The following CYSTM1 variants were observed in gnomAD, a reference collection of about 807,000 sequenced individuals.
The protein encoded by CYSTM1 is cysteine-rich transmembrane module-containing protein 1.
Under a neutral mutation model 13.1 loss-of-function variants are expected in CYSTM1, and 4 were observed. The ratio of observed to expected loss-of-function variants is 0.31; its 90% CI spans 0.15 to 0.70. The LOEUF (loss-of-function observed/expected upper bound fraction) is 0.70. CYSTM1 is among the 30% of genes least tolerant of loss of function. CYSTM1 has a pLI of 0.72. For missense variants in CYSTM1, 96 were observed against 121.6 expected (o/e 0.79, Z 0.99); for synonymous variants, 36 against 42.7 (o/e 0.84, Z 0.62).
In CYSTM1 at chr5:140,194,546, T is replaced by C. The variant is rs1202784076; in HGVS notation, c.81T>C (p.Gly27=). 1 of 1,613,666 alleles carries C rather than the reference T, an allele frequency of 6.2e-7. No homozygotes were observed. Among genetic ancestry groups the C allele is most frequent in the Non-Finnish European group, 8.5e-7 (1 of 1,179,832 alleles). The change falls in exon 2 of 3, where the codon GGT becomes GGC. Residue 27 remains glycine, a synonymous_variant. Transcript: ENST00000261811. ...CACCTTATCCACCACAACCAATGGG[T>C]CCAGGACCTATGGGGGGACCCTACC... The part of the protein sequence containing the change: ...PYPPYPPQPM[G]PGPMGGPYPP...
At chr5:140,214,327 A>G (rs1362952382) in intron 2 of CYSTM1, among the ~76,000 whole-genome samples, 4 of 152,250 alleles carry the variant, frequency 2.6e-5, no homozygotes, top group Non-Finnish European at 5.9e-5. Context: ...TTGGTCAGGT[A>G]CTTTATGTAG....
In CYSTM1 at chr5:140,199,665, T is replaced by C. The variant is rs143134697; in HGVS notation, c.187+5013T>C. Among the ~76,000 whole-genome samples, 495 of 152,250 alleles carry C rather than the reference T, an allele frequency of 3.3e-3. 4 individuals carry two copies. Among genetic ancestry groups the C allele is most frequent in the African/African-American group, 0.011 (476 of 41,546 alleles). Reference sequence around the variant, plus strand: ...GCCACCATGGCTGTAATTTTTGTATTTTTAGTAGAGATGAGGTTTCACCAT... The same window carrying C: ...GCCACCATGGCTGTAATTTTTGTATCTTTAGTAGAGATGAGGTTTCACCAT... On this transcript the variant is annotated intron_variant, in intron 2 of 2. Coordinates refer to ENST00000261811, the MANE Select transcript of CYSTM1 (RefSeq NM_032412.4).
Position 140,230,814 on chromosome 5 carries a change from A to G in CYSTM1, c.188-12491A>G, listed in dbSNP as rs753498062. 6.6e-6 allele frequency among the ~76,000 whole-genome samples: 1 copy of G among 152,204 alleles called. No homozygotes were observed. Among genetic ancestry groups the G allele is most frequent in the Non-Finnish European group, 1.5e-5 (1 of 68,032 alleles). ...CTATTAATCTGAGATGAGATTTGTC[A>G]TATACCACGTTCCCATATACGAATT... On this transcript the variant is annotated intron_variant, in intron 2 of 2. Transcript: ENST00000261811. This position sits in a 1 kb window ranked among gnomAD's most constrained non-coding sequence, Gnocchi z 4.1.
At chr5:140,240,194 C>T (rs894716765) in intron 2 of CYSTM1, among the ~76,000 whole-genome samples, 4 of 152,100 alleles carry the variant, frequency 2.6e-5, no homozygotes, top group Non-Finnish European at 5.9e-5. Flanking sequence ...CTCTTTTAAC[C>T]CCTCTCCCTT....
intron 1 of CYSTM1, among the ~76,000 whole-genome samples, chr5:140,176,706 C>T (rs894634358): frequency 6.6e-6 from 1 of 152,166 alleles, no homozygotes; most frequent in African/African-American, 2.4e-5. Context: ...GAACCAGCAT[C>T]CAAACATTCA....
intron 2 of CYSTM1, among the ~76,000 whole-genome samples, chr5:140,236,529 C>T (rs939948692): frequency 4.6e-5 from 7 of 152,184 alleles, no homozygotes; most frequent in East Asian, 1.9e-4. Flanking sequence ...ATTTAAGAAA[C>T]GCCACGATGA....
chr5:140,227,319 G>T (rs1034513792), intron 2 of CYSTM1, among the ~76,000 whole-genome samples: 5 of 152,146 alleles, frequency 3.3e-5, no homozygotes, highest in African/African-American at 9.7e-5. Context: ...GCATGGGCAG[G>T]GGGGAGAGGG....
intron 2 of CYSTM1, 126 bp from the exon 3 acceptor site, chr5:140,243,179 C>A: frequency 1.4e-6 from 1 of 734,002 alleles, no homozygotes; most frequent in Non-Finnish European, 2.3e-6. Flanking sequence ...GGCAGGAACA[C>A]GGTTTCACCA....
chr5:140,214,821 G>A (rs1394234211), intron 2 of CYSTM1, among the ~76,000 whole-genome samples: 3 of 152,158 alleles, frequency 2.0e-5, no homozygotes, highest in East Asian at 1.9e-4. Flanking sequence ...AGGCATTGTC[G>A]GGACCTCCCT....
chr5:140,211,764 T>A (rs1192943176), intron 2 of CYSTM1, among the ~76,000 whole-genome samples: 1 of 152,134 alleles, frequency 6.6e-6, no homozygotes, highest in Admixed American at 6.6e-5. Context: ...CTGGCCAACA[T>A]AGTGAAACCC....
chr5:140,182,223 A>G (rs759964095), intron 1 of CYSTM1, among the ~76,000 whole-genome samples: 4 of 152,220 alleles, frequency 2.6e-5, no homozygotes, highest in Non-Finnish European at 4.4e-5. Context: ...CTGGGGCAAT[A>G]CAGCCTTTAC....
chr5:140,210,461 A>G (rs1581065989), intron 2 of CYSTM1, among the ~76,000 whole-genome samples: 1 of 151,640 alleles, frequency 6.6e-6, no homozygotes, highest in African/African-American at 2.4e-5. Context: ...GGCCAACATC[A>G]CCCCTCCTTT....
chr5:140,192,327 C>A (rs1267703349), intron 1 of CYSTM1, among the ~76,000 whole-genome samples: 1 of 152,172 alleles, frequency 6.6e-6, no homozygotes. Context: ...GATCTCTATA[C>A]CCCACTACTT....
chr5:140,177,539 G>C (rs1174019985), intron 1 of CYSTM1, among the ~76,000 whole-genome samples: 1 of 152,206 alleles, frequency 6.6e-6, no homozygotes, highest in Non-Finnish European at 1.5e-5. Flanking sequence ...TGCGAAGGAA[G>C]GTGGCCGCAG....
At chr5:140,193,489 A>C (rs7726869) in intron 1 of CYSTM1, among the ~76,000 whole-genome samples, 1 of 152,158 alleles carries the variant, frequency 6.6e-6, no homozygotes, top group Non-Finnish European at 1.5e-5. Flanking sequence ...TCACCATGTT[A>C]GCCAGGATGG....
At chr5:140,205,960 T>C (rs1159878132) in intron 2 of CYSTM1, among the ~76,000 whole-genome samples, 2 of 152,170 alleles carry the variant, frequency 1.3e-5, no homozygotes, top group Non-Finnish European at 2.9e-5. Context: ...GACCGCCTAA[T>C]AGCTTTCCAT....
intron 2 of CYSTM1, among the ~76,000 whole-genome samples, chr5:140,237,509 C>T (rs763205473): frequency 1.3e-5 from 2 of 152,126 alleles, no homozygotes; most frequent in African/African-American, 2.4e-5. Context: ...CATCCTCTTA[C>T]CAAAAAAGGA....
chr5:140,193,902 C>G (rs1764121632), intron 1 of CYSTM1, among the ~76,000 whole-genome samples: 1 of 152,316 alleles, frequency 6.6e-6, no homozygotes, highest in Non-Finnish European at 1.5e-5. Flanking sequence ...CCCCAATCCC[C>G]AGAGCAATGG....
intron 2 of CYSTM1, among the ~76,000 whole-genome samples, chr5:140,226,293 T>C (rs1006420316): frequency 6.6e-6 from 1 of 151,032 alleles, no homozygotes; most frequent in East Asian, 2.0e-4. Flanking sequence ...GGCCAGTGAG[T>C]AGATGACCCT....
Sources: allele counts gnomAD v4.1 joint callset (sites outside exome capture counted in the v4.1 genomes callset), GRCh38; gene constraint gnomAD v4.1.1; non-coding constraint Gnocchi (gnomAD v3.1); transcripts MANE v1.5; gene names NCBI Gene and HGNC (gene_info 2026-07-23, HGNC 2026-07-21).